TRAPPC6B: variants seen among roughly 807,000 people sequenced by gnomAD.
TRAPPC6B encodes trafficking protein particle complex subunit 6B, also known as TRAPP complex subunit 6B.
In TRAPPC6B, 27 loss-of-function variants were observed where a neutral mutation model predicts 24.7. That is an observed-to-expected ratio of 1.09 (90% CI 0.81 to 1.51). TRAPPC6B has a LOEUF of 1.51. Ranked by LOEUF, TRAPPC6B falls within the 40% of genes most tolerant of loss-of-function variation. TRAPPC6B has a pLI of 0.00. For missense variants in TRAPPC6B, 212 were observed against 190.8 expected (o/e 1.11, Z -0.66); for synonymous variants, 80 against 66.6 (o/e 1.20, Z -0.98).
chr14:39,154,218 G>T lies in TRAPPC6B; in HGVS notation c.344C>A (p.Ala115Glu). The change falls in exon 4 of 6, where the codon GCA (alanine) becomes GAA (glutamate). Residue 115 changes from alanine to glutamate, a missense_variant. Coordinates refer to ENST00000330149, the MANE Select transcript of TRAPPC6B (RefSeq NM_001079537.2). ...TTCTATTCCATTAAATACCTTAGAT[G>T]CATGTTCTAAATACTGTTTTCCTGC... The part of the protein sequence containing the change: ...MSAGKQYLEH[A>E]SKYLAFTCGL... 1 of 1,608,308 alleles carries T rather than the reference G, an allele frequency of 6.2e-7. No individual in the cohort carries two copies. The highest frequency in any genetic ancestry group is 8.5e-7 in the Non-Finnish European group (1 of 1,175,400).
chr14:39,148,454 G>GAA lies in TRAPPC6B; in HGVS notation c.*1894_*1895dup, dbSNP rs369583220. ...TACAGAGTTTTAGGCCAAAAAAAAA[G>GAA]AAAAAAAAAATGGGGCTTTGTCAGC... On this transcript the variant is annotated 3_prime_UTR_variant, in exon 6 of 6. Coordinates refer to ENST00000330149, the MANE Select transcript of TRAPPC6B (RefSeq NM_001079537.2). 188 of 341,526 alleles carry GAA rather than the reference G, an allele frequency of 5.5e-4. No individual in the cohort carries two copies. The highest frequency in any genetic ancestry group is 6.9e-4 in the Non-Finnish European group (132 of 191,084). The allele number at this position is 341,526 out of a possible 1,614,324, so 21.2% of individuals were successfully genotyped here.
chr14:39,169,921 C>T, intron 1 of TRAPPC6B, 94 bp downstream of exon 1: 1 of 1,266,992 alleles, frequency 7.9e-7, no homozygotes, highest in South Asian at 1.2e-5. Flanking sequence ...CGGGAGGCGT[C>T]GGGTGGCGAT....
chr14:39,151,184 G>C (rs1322500420), intron 5 of TRAPPC6B, among the ~76,000 whole-genome samples: 1 of 151,996 alleles, frequency 6.6e-6, no homozygotes, highest in Non-Finnish European at 1.5e-5. Flanking sequence ...AAGGTCAGGA[G>C]ATGGAGACCA....
Position 39,170,181 on chromosome 14 carries a change from G to T in TRAPPC6B, c.-86C>A. On this transcript the variant is annotated 5_prime_UTR_variant, in exon 1 of 6. Coordinates refer to ENST00000330149, the MANE Select transcript of TRAPPC6B (RefSeq NM_001079537.2). ...CAGCTCGCGCCTCAGCGACTTCGCC[G>T]GCGCCGCGGCTCCGTCAGGCCGCCA... 1.5e-6 allele frequency: 2 copies of T among 1,352,070 alleles called. No homozygotes were observed. Among genetic ancestry groups the T allele is most frequent in the South Asian group, 1.2e-5 (1 of 82,904 alleles). The allele number at this position is 1,352,070 out of a possible 1,614,324, so 83.8% of individuals were successfully genotyped here. A position where few individuals can be genotyped will look rare whatever the true frequency, so the allele number is the denominator to read the frequency against.
chr14:39,161,952 C>CT (rs1220995862), intron 1 of TRAPPC6B, among the ~76,000 whole-genome samples: 1 of 152,168 alleles, frequency 6.6e-6, no homozygotes, highest in Non-Finnish European at 1.5e-5. Flanking sequence ...AGAGGGGACA[C>CT]TTTTTTTCTG....
At chr14:39,155,398 C>T (rs141857588) in intron 3 of TRAPPC6B, among the ~76,000 whole-genome samples, 2,133 of 152,118 alleles carry the variant, frequency 0.014, 57 homozygotes, top group African/African-American at 0.048. Flanking sequence ...TGCGCCACTA[C>T]GCCCAGCTAA....
At chr14:39,164,584 T>C (rs894300869) in intron 1 of TRAPPC6B, among the ~76,000 whole-genome samples, 2 of 152,200 alleles carry the variant, frequency 1.3e-5, no homozygotes, top group African/African-American at 4.8e-5. Context: ...GACTCATGCC[T>C]GTAAATCCCA....
intron 1 of TRAPPC6B, among the ~76,000 whole-genome samples, chr14:39,160,717 T>G (rs2053047499): frequency 6.6e-6 from 1 of 152,080 alleles, no homozygotes; most frequent in Non-Finnish European, 1.5e-5. Flanking sequence ...TTGTTTTCTC[T>G]TAGAAGAGGA....
Position 39,150,324 on chromosome 14 carries a change from G to A in TRAPPC6B, c.*26C>T. On this transcript the variant is annotated 3_prime_UTR_variant, in exon 6 of 6. Transcript: ENST00000330149. ...CATGAATAATTTATCTCTTTACACT[G>A]TTGAAGCCTTGCATTTCAGTATGTT... 2 of 1,570,554 alleles carry A rather than the reference G, an allele frequency of 1.3e-6. No homozygotes were observed. The highest frequency in any genetic ancestry group is 1.7e-6 in the Non-Finnish European group (2 of 1,162,070).
At chr14:39,158,543 A>G (rs761804) in intron 2 of TRAPPC6B, 141 bp from the exon 3 acceptor site, 529,023 of 570,684 alleles carry the variant, frequency 0.93, 245,654 homozygotes, top group East Asian at 0.97. Flanking sequence ...TTTGAGACAG[A>G]TTCTGGCTCT....
At chr14:39,151,316 G>A (rs930353085) in intron 5 of TRAPPC6B, among the ~76,000 whole-genome samples, 1 of 150,970 alleles carries the variant, frequency 6.6e-6, no homozygotes, top group Non-Finnish European at 1.5e-5. Context: ...CGTGAACCCG[G>A]GAGGTGGAGC....
At chr14:39,157,490 C>T (rs2052996575) in intron 3 of TRAPPC6B, 7 of 384,218 alleles carry the variant, frequency 1.8e-5, no homozygotes, top group Middle Eastern at 1.8e-3. Context: ...AACACCATCT[C>T]CACCTTGGAG....
At chr14:39,168,339 G>C (rs1379018034) in intron 1 of TRAPPC6B, among the ~76,000 whole-genome samples, 1 of 152,014 alleles carries the variant, frequency 6.6e-6, no homozygotes, top group African/African-American at 2.4e-5. Flanking sequence ...AAAGGGGTGT[G>C]TTAACTGTTC....
Position 39,158,338 on chromosome 14 carries a change from A to T in TRAPPC6B, c.214T>A (p.Phe72Ile). The part of the protein sequence containing the change: ...LDIMKFICKD[F>I]WTTVFKKQID... The stretch of plus-strand genomic sequence containing the variant: ...TGTTTCTTGAATACCGTAGTCCAAA[A>T]ATCTTTACAAATGAACTTCATGATA... Residue 72 changes from phenylalanine to isoleucine, a missense_variant, in exon 3 of 6, where the codon TTT becomes ATT. Physicochemically the swap from Phe to Ile is conservative, Grantham distance 21. Coordinates refer to ENST00000330149, the MANE Select transcript of TRAPPC6B (RefSeq NM_001079537.2). 3 of 1,604,248 alleles carry T rather than the reference A, an allele frequency of 1.9e-6. No individual in the cohort carries two copies. The highest frequency in any genetic ancestry group is 2.5e-6 in the Non-Finnish European group (3 of 1,177,998).
At chr14:39,159,401 C>G (rs1485789268) in intron 2 of TRAPPC6B, 82 bp downstream of exon 2, 1 of 959,522 alleles carries the variant, frequency 1.0e-6, no homozygotes, top group East Asian at 2.8e-5. Flanking sequence ...TAAAATATCC[C>G]AAGTTTTATG....
At chr14:39,158,236 A>G in intron 3 of TRAPPC6B, 49 bp downstream of exon 3, 1 of 990,468 alleles carries the variant, frequency 1.0e-6, no homozygotes, top group Non-Finnish European at 1.5e-6. Context: ...TACGATATTT[A>G]TATCAAGTTA....
intron 3 of TRAPPC6B, among the ~76,000 whole-genome samples, chr14:39,155,056 GTAGC>G (rs1457069570): frequency 6.6e-6 from 1 of 151,898 alleles, no homozygotes; most frequent in Non-Finnish European, 1.5e-5. Flanking sequence ...AGCCTTCCGA[GTAGC>G]TGGGACCACA....
In TRAPPC6B at chr14:39,170,085, T is replaced by C; in HGVS notation, c.11A>G (p.Glu4Gly). Residue 4 changes from glutamate (E) to glycine (G), a missense_variant, in exon 1 of 6, where the codon GAG becomes GGG. Glu to Gly is a moderately conservative substitution (Grantham distance 98). Coordinates refer to ENST00000330149, the MANE Select transcript of TRAPPC6B (RefSeq NM_001079537.2). The stretch of plus-strand genomic sequence containing the variant: ...GTTATGGAGAAGCAAAAACAACGCC[T>C]CATCCGCCATTTCCTGCTAATTCTT... MAD[E>G]ALFLLLHNEM... The C allele has an allele frequency of 6.2e-7, 1 of 1,614,128 alleles. No homozygotes were observed. The highest frequency in any genetic ancestry group is 8.5e-7 in the Non-Finnish European group (1 of 1,179,994).
intron 1 of TRAPPC6B, among the ~76,000 whole-genome samples, chr14:39,161,937 C>A (rs1395212465): frequency 6.6e-6 from 1 of 152,176 alleles, no homozygotes; most frequent in African/African-American, 2.4e-5. Context: ...CTTCACCAGA[C>A]CGGTAGAGGG....
Sources: gnomAD v4.1 joint callset for allele counts (sites outside exome capture counted in the v4.1 genomes callset) on GRCh38, gnomAD v4.1.1 for gene constraint, MANE v1.5 for transcripts, NCBI Gene and HGNC (gene_info 2026-07-23, HGNC 2026-07-21) for gene names.